The following TBXAS1 variants were observed in gnomAD, a reference collection of about 807,000 sequenced individuals.
TBXAS1 encodes the protein thromboxane-A synthase.
In TBXAS1, 48 loss-of-function variants were observed where a neutral mutation model predicts 60.7. That is an observed-to-expected ratio of 0.79 (90% confidence interval 0.63 to 1.01). The LOEUF (loss-of-function observed/expected upper bound fraction) is 1.01. Among genes scored for constraint, TBXAS1 ranks in the 50% least tolerant of loss-of-function variants. The pLI, the probability that TBXAS1 is intolerant of heterozygous loss-of-function variation, is 0.00. For missense variants in TBXAS1, 685 were observed against 686.3 expected (o/e 1.00, Z 0.02); for synonymous variants, 287 against 269.7 (o/e 1.06, Z -0.63).
At chr7:139,805,694 C>CT (rs1398617662) in intron 4 of TBXAS1, among the ~76,000 whole-genome samples, 1 of 30,820 alleles carries the variant, frequency 3.2e-5, no homozygotes, top group African/African-American at 1.5e-4. Flanking sequence ...TTCTTTCTTT[C>CT]TTTCTTTCTT....
chr7:139,950,221 G>T (rs1395078433), intron 5 of TBXAS1, among the ~76,000 whole-genome samples: 2 of 151,820 alleles, frequency 1.3e-5, no homozygotes, highest in Admixed American at 1.3e-4. Flanking sequence ...TTAGTAGAGA[G>T]GGGGTTCACT....
chr7:140,017,868 C>T (rs746613218), intron 12 of TBXAS1, 35 bp downstream of exon 12: 1 of 1,613,802 alleles, frequency 6.2e-7, no homozygotes, highest in Non-Finnish European at 8.5e-7. Flanking sequence ...GGGGCAGGGG[C>T]AGGGGTGGGA....
rs10591254 is a variant in TBXAS1, at chr7:140,013,084, CAA to C, written c.1227-2623_1227-2622del. Among the ~76,000 whole-genome samples the C allele has an allele frequency of 0.37, 42,184 of 114,338 alleles. 6,717 individuals are homozygous for C. The highest frequency in any genetic ancestry group is 0.6 in the East Asian group (2,449 of 4,066). The allele number at this position is 114,338 out of a possible 152,430, so 75.0% of individuals were successfully genotyped here. On this transcript the variant is annotated intron_variant, in intron 10 of 12. Coordinates refer to ENST00000448866, the MANE Select transcript of TBXAS1 (RefSeq NM_001061.7). This position sits in a 1 kb window ranked among gnomAD's most constrained non-coding sequence, Gnocchi z 4.2. ...TGGGCAACAGAGCGAGACTCCATCTCAAAAAAAAAAAAAAAAAGAAATTGGGG... is the reference window on the plus strand; with the variant it reads ...TGGGCAACAGAGCGAGACTCCATCTCAAAAAAAAAAAAAAAGAAATTGGGG...
chr7:139,883,337 T>C lies in TBXAS1; in HGVS notation c.236+7700T>C, dbSNP rs1223072696. Among the ~76,000 whole-genome samples, 3 of 152,350 alleles carry C rather than the reference T, an allele frequency of 2.0e-5. No homozygotes were observed. The East Asian group carries it at 5.8e-4, about 29-fold the overall frequency. On this transcript the variant is annotated intron_variant, in intron 3 of 12. Coordinates refer to ENST00000448866, the MANE Select transcript of TBXAS1 (RefSeq NM_001061.7). The stretch of plus-strand genomic sequence containing the variant: ...GATTTAAGACCACCTTCTTTCCCAG[T>C]CTTGATCCAAAGACCCTTCTGAAGT...
intron 9 of TBXAS1, among the ~76,000 whole-genome samples, chr7:139,987,170 A>G (rs1192838012): frequency 6.6e-6 from 1 of 152,020 alleles, no homozygotes; most frequent in East Asian, 1.9e-4. Context: ...CACGGATTCC[A>G]GTGTCATCGG....
chr7:139,961,336 C>T (rs532890057), intron 8 of TBXAS1, among the ~76,000 whole-genome samples: 2 of 152,330 alleles, frequency 1.3e-5, no homozygotes, highest in Non-Finnish European at 2.9e-5. Context: ...GTGAGCAGTA[C>T]AGCACATGCT....
chr7:139,984,945 G>A (rs199958921), intron 9 of TBXAS1, among the ~76,000 whole-genome samples: 5 of 61,858 alleles, frequency 8.1e-5, no homozygotes, highest in Non-Finnish European at 1.5e-4. Context: ...AGAAAGAAAA[G>A]AAAAGAAAGA....
chr7:139,791,317 C>T (rs73158632), intron 4 of TBXAS1, among the ~76,000 whole-genome samples: 22 of 152,294 alleles, frequency 1.4e-4, no homozygotes, highest in Non-Finnish European at 3.1e-4. Context: ...GGGACTTAGG[C>T]GTCCCCTACC....
chr7:140,005,424 G>A (rs1382834674), intron 9 of TBXAS1, among the ~76,000 whole-genome samples: 1 of 150,476 alleles, frequency 6.6e-6, no homozygotes, highest in African/African-American at 2.5e-5. Flanking sequence ...AAAAGACTCT[G>A]TCTCAAAAAA....
chr7:139,809,198 T>G (rs1025930358), intron 4 of TBXAS1, among the ~76,000 whole-genome samples: 1 of 140,322 alleles, frequency 7.1e-6, no homozygotes, highest in African/African-American at 2.8e-5. Flanking sequence ...AGGAGATAGA[T>G]GATAGATAGA....
chr7:139,934,912 G>T (rs1288759117), intron 4 of TBXAS1, among the ~76,000 whole-genome samples: 1 of 151,992 alleles, frequency 6.6e-6, no homozygotes, highest in Non-Finnish European at 1.5e-5. Flanking sequence ...TCCTGGGTTT[G>T]AGCAATTCTC....
intron 4 of TBXAS1, among the ~76,000 whole-genome samples, chr7:139,911,668 A>G (rs948200321): frequency 6.6e-6 from 1 of 152,192 alleles, no homozygotes; most frequent in Non-Finnish European, 1.5e-5. Context: ...TAGGCTAATA[A>G]ATATTAGTTG....
At chr7:139,923,305 C>T (rs1806625678) in intron 4 of TBXAS1, among the ~76,000 whole-genome samples, 1 of 151,956 alleles carries the variant, frequency 6.6e-6, no homozygotes, top group African/African-American at 2.4e-5. Flanking sequence ...TCAGCTTGAG[C>T]AACAGAGCGA....
At chr7:139,826,584 C>T (rs749673901), upstream of TBXAS1, among the ~76,000 whole-genome samples, 17 of 152,156 alleles carry the variant, frequency 1.1e-4, no homozygotes, top group Non-Finnish European at 1.5e-4. Context: ...ATGGCTTCCA[C>T]GTTTGAATAT....
intron 3 of TBXAS1, among the ~76,000 whole-genome samples, chr7:139,905,527 G>C (rs1805007099): frequency 6.6e-6 from 1 of 152,146 alleles, no homozygotes; most frequent in Non-Finnish European, 1.5e-5. Flanking sequence ...CTAGTATTTT[G>C]TTAAGGATTT....
At chr7:139,883,762 A>G (rs1041826160) in intron 3 of TBXAS1, among the ~76,000 whole-genome samples, 1 of 152,224 alleles carries the variant, frequency 6.6e-6, no homozygotes, top group Admixed American at 6.5e-5. Context: ...ACCTCAGTAA[A>G]TAATATATTA....
chr7:139,785,671 C>T (rs377437828), intron 3 of TBXAS1, among the ~76,000 whole-genome samples: 8 of 152,176 alleles, frequency 5.3e-5, no homozygotes, highest in Non-Finnish European at 8.8e-5. Context: ...TGGCTTCCTG[C>T]GCACTGCATA....
chr7:139,794,119 T>G (rs747084406), intron 4 of TBXAS1, among the ~76,000 whole-genome samples: 1 of 152,094 alleles, frequency 6.6e-6, no homozygotes, highest in Non-Finnish European at 1.5e-5. Context: ...TCTGTTTATT[T>G]GAGATGGAGT....
chr7:139,971,413 C>T (rs1430478712), intron 9 of TBXAS1, among the ~76,000 whole-genome samples: 2 of 146,152 alleles, frequency 1.4e-5, no homozygotes, highest in East Asian at 4.4e-4. Context: ...GTTCCCAAAG[C>T]AGGGTGACCA....
Sources: allele counts gnomAD v4.1 joint callset (sites outside exome capture counted in the v4.1 genomes callset), GRCh38; gene constraint gnomAD v4.1.1; non-coding constraint Gnocchi (gnomAD v3.1); transcripts MANE v1.5; gene names NCBI Gene and HGNC (gene_info 2026-07-23, HGNC 2026-07-21).